CEP350: variants seen among roughly 807,000 people sequenced by gnomAD.
CEP350 encodes centrosome-associated protein 350.
Under a neutral mutation model 331.8 loss-of-function variants are expected in CEP350, and 126 were observed. The ratio of observed to expected loss-of-function variants is 0.38; its 90% confidence interval spans 0.33 to 0.44. The LOEUF (loss-of-function observed/expected upper bound fraction) is 0.44, where lower values mean the gene tolerates loss of function less well. Among genes scored for constraint, CEP350 ranks in the 20% least tolerant of loss-of-function variants. The pLI is 1.00. For synonymous variants in CEP350, 1,200 were observed against 1,259.5 expected, an observed-to-expected ratio of 0.95 and a Z score of 1.00; for missense variants, 3,406 against 3,634.6, an observed-to-expected ratio of 0.94 and a Z score of 1.62.
intron 9 of CEP350, 89 bp downstream of exon 9, chr1:180,012,164 T>G: frequency 8.3e-7 from 1 of 1,204,948 alleles, no homozygotes; most frequent in Non-Finnish European, 1.1e-6. Flanking sequence ...TAAGAATGTG[T>G]TAGGACTTTG....
At chr1:179,959,408 T>A (rs980567923) in intron 1 of CEP350, among the ~76,000 whole-genome samples, 1 of 152,114 alleles carries the variant, frequency 6.6e-6, no homozygotes, top group African/African-American at 2.4e-5. Flanking sequence ...GAGCCAAGAC[T>A]GCCACTGCAC....
At chr1:179,976,279 A>G (rs748654717) in intron 1 of CEP350, among the ~76,000 whole-genome samples, 4 of 152,324 alleles carry the variant, frequency 2.6e-5, no homozygotes, top group Non-Finnish European at 5.9e-5. Context: ...GGTTTAAAAA[A>G]CATAGACTTT....
chr1:180,059,364 C>G (rs1452494032), intron 25 of CEP350, among the ~76,000 whole-genome samples: 1 of 152,178 alleles, frequency 6.6e-6, no homozygotes, highest in African/African-American at 2.4e-5. Flanking sequence ...TGCTTTATCA[C>G]AAGTCAGTGG....
intron 21 of CEP350, among the ~76,000 whole-genome samples, chr1:180,045,791 C>G (rs1657078646): frequency 6.6e-6 from 1 of 152,150 alleles, no homozygotes; most frequent in Non-Finnish European, 1.5e-5. Flanking sequence ...TCTTCAGTAT[C>G]CCTCAGAATA....
rs141645683 is a variant in CEP350, at chr1:180,010,295, T to C, written c.1247-1634T>C. On this transcript the variant is annotated intron_variant, in intron 8 of 37. Coordinates refer to ENST00000367607, the MANE Select transcript of CEP350 (RefSeq NM_014810.5). ...ATGATACAGTCAACATTTTCATCTA[T>C]TTTTTTGTTTCTTTTAGATTATTTA... is the stretch of plus-strand genomic sequence containing the variant. 4.6e-5 allele frequency among the ~76,000 whole-genome samples: 7 copies of C among 151,972 alleles called. No homozygotes were observed. In the East Asian group the frequency reaches 1.4e-3, roughly 29 times the overall value.
At chr1:180,077,671 T>TA (rs3067269) in intron 28 of CEP350, among the ~76,000 whole-genome samples, 1,661 of 97,228 alleles carry the variant, frequency 0.017, 64 homozygotes, top group African/African-American at 0.067. Flanking sequence ...TCTCAAAAAG[T>TA]AAAAAAAAAA....
Position 180,052,369 on chromosome 1 carries a change from T to G in CEP350, c.4793-601T>G, listed in dbSNP as rs570494135. On this transcript the variant is annotated intron_variant, in intron 22 of 37. Coordinates refer to ENST00000367607, the MANE Select transcript of CEP350 (RefSeq NM_014810.5). ...ATTGTGGTTTCTAAATATCATTCTT[T>G]AATAAAATAAATAAGAGCTCTTTGT... The G allele has an allele frequency of 5.6e-5, 20 of 355,724 alleles. 1 individual carries two copies. The East Asian group carries it at 1.6e-3, about 28-fold the overall frequency. 22.0% of individuals were successfully genotyped at this position (355,724 alleles called of 1,614,324 possible).
At chr1:179,983,993 ATAATCT>A (rs764789413) in intron 1 of CEP350, among the ~76,000 whole-genome samples, 1 of 152,242 alleles carries the variant, frequency 6.6e-6, no homozygotes, top group Non-Finnish European at 1.5e-5. Flanking sequence ...GAAAGAATAG[ATAATCT>A]TAAGATATTT....
At chr1:179,986,278 GA>G in intron 2 of CEP350, 24 bp downstream of exon 2, 1 of 1,497,416 alleles carries the variant, frequency 6.7e-7, no homozygotes, top group Non-Finnish European at 9.1e-7. Flanking sequence ...TTTTTAAACA[GA>G]ACTTAATACC....
rs1660217112 is a variant in CEP350 at position 180,091,843 on chromosome 1, AT to A, written c.6509-770del. The stretch of plus-strand genomic sequence containing the variant: ...GACACTATCTCAAAAAAAAAAAAAA[AT>A]GTAATTCAGTGAGAAAATAAAACTG... On this transcript the variant is annotated intron_variant, in intron 33 of 37. Transcript: ENST00000367607. 2.6e-5 allele frequency among the ~76,000 whole-genome samples: 4 copies of A among 151,724 alleles called. No homozygotes were observed. In the South Asian group the frequency reaches 8.3e-4, roughly 31 times the overall value.
chr1:180,077,671 T>TAAAAAAAA (rs3067269), intron 28 of CEP350, among the ~76,000 whole-genome samples: 23 of 97,226 alleles, frequency 2.4e-4, no homozygotes, highest in Middle Eastern at 9.1e-3. Context: ...TCTCAAAAAG[T>TAAAAAAAA]AAAAAAAAAA....
intron 1 of CEP350, among the ~76,000 whole-genome samples, chr1:179,977,786 A>G (rs1462507501): frequency 6.6e-6 from 1 of 152,038 alleles, no homozygotes; most frequent in Non-Finnish European, 1.5e-5. Context: ...TTTTTACTTT[A>G]TAAACTTTAA....
intron 31 of CEP350, among the ~76,000 whole-genome samples, chr1:180,086,208 A>G (rs1659847782): frequency 1.3e-5 from 2 of 152,180 alleles, no homozygotes; most frequent in Admixed American, 1.3e-4. Flanking sequence ...TTAAGATACA[A>G]TGACCATACT....
chr1:179,964,236 G>A (rs1650830074), intron 1 of CEP350, among the ~76,000 whole-genome samples: 1 of 151,966 alleles, frequency 6.6e-6, no homozygotes, highest in South Asian at 2.1e-4. Context: ...CCTTAGGGTT[G>A]AACAGAGATA....
chr1:180,010,532 T>C (rs937354578), intron 8 of CEP350, among the ~76,000 whole-genome samples: 4 of 151,940 alleles, frequency 2.6e-5, no homozygotes, highest in Non-Finnish European at 4.4e-5. Context: ...AATAATTTAA[T>C]TAGGCTTGAA....
Position 179,986,189 on chromosome 1 carries a change from G to A in CEP350, c.8G>A (p.Ser3Asn), listed in dbSNP as rs779071906. MRSSKSKEVPLPN... is the reference protein window; with the variant it reads MRNSKSKEVPLPN... The stretch of plus-strand genomic sequence containing the variant: ...TGCAGGTAAATTGGCAGGATGAGGA[G>A]CAGCAAATCAAAAGAGGTGCCTTTA... The change falls in exon 2 of 38, where the codon AGC (serine) becomes AAC (asparagine). Residue 3 changes from serine (S) to asparagine (N), a missense_variant. Ser to Asn is a conservative substitution (Grantham distance 46). Transcript: ENST00000367607. The A allele has an allele frequency of 9.0e-6, 14 of 1,551,144 alleles. No homozygotes were observed. The highest frequency in any genetic ancestry group is 1.1e-5 in the Non-Finnish European group (13 of 1,146,714).
chr1:179,969,361 T>C, intron 1 of CEP350: 1 of 515,960 alleles, frequency 1.9e-6, no homozygotes, highest in Admixed American at 2.0e-5. Flanking sequence ...CTACTCAGCC[T>C]GAGGTTGCAG....
At chr1:179,960,155 A>G (rs1046259776) in intron 1 of CEP350, among the ~76,000 whole-genome samples, 4 of 152,148 alleles carry the variant, frequency 2.6e-5, no homozygotes, top group African/African-American at 9.7e-5. Context: ...ATTCCATTGC[A>G]GGTAGCATTT....
chr1:180,098,351 G>A (rs11578416), intron 36 of CEP350, among the ~76,000 whole-genome samples: 2 of 121,962 alleles, frequency 1.6e-5, no homozygotes, highest in African/African-American at 3.0e-5. Context: ...TGTTGTTGTT[G>A]TTATTTTTAG....
Sources: gnomAD v4.1 joint callset for allele counts (sites outside exome capture counted in the v4.1 genomes callset) on GRCh38, gnomAD v4.1.1 for gene constraint, MANE v1.5 for transcripts, NCBI Gene and HGNC (gene_info 2026-07-23, HGNC 2026-07-21) for gene names.